ABRAXAS2: variants seen among roughly 807,000 people sequenced by gnomAD.
ABRAXAS2 encodes BRISC complex subunit Abraxas 2.
In ABRAXAS2, 23 loss-of-function variants were observed where a neutral mutation model predicts 49.0. The observed-to-expected ratio is 0.47, with a 90% CI of 0.34 to 0.66. The LOEUF (loss-of-function observed/expected upper bound fraction) is 0.66. Ranked by LOEUF, ABRAXAS2 falls within the 30% of genes least tolerant of loss-of-function variation. The probability of loss-of-function intolerance (pLI) is 0.01; values close to 1 mark genes in which losing one functional copy is unlikely to be tolerated. For synonymous variants in ABRAXAS2, 168 were observed against 180.2 expected, an observed-to-expected ratio of 0.93 and a Z score of 0.54; for missense variants, 443 against 511.9, an observed-to-expected ratio of 0.87 and a Z score of 1.30.
In ABRAXAS2 at chr10:124,836,206, G is replaced by A. The variant is rs1186506314; in HGVS notation, c.*1235G>A. The A allele has an allele frequency of 1.3e-5, 2 of 152,552 alleles. No individual in the cohort carries two copies. Among genetic ancestry groups the A allele is most frequent in the African/African-American group, 4.8e-5 (2 of 41,424 alleles). The allele number at this position is 152,552 out of a possible 1,614,324, so 9.4% of individuals were successfully genotyped here. ...CTTCCCTTTGAACTAGTTAAAATCT[G>A]TAAGAATAAGGAAGTTGTTGAAGGC... On this transcript the variant is annotated 3_prime_UTR_variant, in exon 9 of 9. Transcript: ENST00000298492.
intron 4 of ABRAXAS2, 111 bp from the exon 5 acceptor site, chr10:124,826,484 G>A: frequency 9.7e-7 from 1 of 1,035,914 alleles, no homozygotes; most frequent in Non-Finnish European, 1.4e-6. Context: ...GTTCCAGGGT[G>A]GGGCTTTTGC....
intron 2 of ABRAXAS2, among the ~76,000 whole-genome samples, chr10:124,814,153 G>T (rs1478871705): frequency 1.3e-5 from 2 of 151,902 alleles, no homozygotes; most frequent in East Asian, 3.9e-4. Flanking sequence ...CACCATGCCC[G>T]GCTAATTTTG....
intron 4 of ABRAXAS2, among the ~76,000 whole-genome samples, chr10:124,821,863 A>G (rs1464399756): frequency 2.0e-5 from 3 of 152,188 alleles, no homozygotes; most frequent in South Asian, 4.1e-4. Context: ...ATAATTTTAC[A>G]TGGGTTCAAC....
In ABRAXAS2 at chr10:124,828,777, C is replaced by T. The variant is rs1336903351; in HGVS notation, c.480C>T (p.Leu160=). ...PNRRYNQRIS[L]AIPNLGNTSQ... The stretch of plus-strand genomic sequence containing the variant: ...ATAGGTATAATCAGAGGATATCACT[C>T]GCTATTCCCAATCTAGGAAATACTA... Residue 160 remains leucine (L), a synonymous_variant, in exon 6 of 9, where the codon CTC becomes CTT. Coordinates refer to ENST00000298492, the MANE Select transcript of ABRAXAS2 (RefSeq NM_032182.4). 11 of 1,612,888 alleles carry T rather than the reference C, an allele frequency of 6.8e-6. No homozygotes were observed. Among genetic ancestry groups the T allele is most frequent in the African/African-American group, 4.0e-5 (3 of 74,840 alleles).
chr10:124,813,451 GAAC>G (rs779786256), intron 2 of ABRAXAS2, among the ~76,000 whole-genome samples: 2 of 152,196 alleles, frequency 1.3e-5, no homozygotes, highest in Non-Finnish European at 1.5e-5. Flanking sequence ...AGAGAAGCAA[GAAC>G]AACAGTACCA....
intron 3 of ABRAXAS2, 30 bp downstream of exon 3, chr10:124,816,642 C>G: frequency 6.5e-7 from 1 of 1,526,718 alleles, no homozygotes; most frequent in Non-Finnish European, 9.0e-7. Context: ...TTAGTCCTTA[C>G]TAAAAGGATT....
At chr10:124,831,287 G>A in intron 7 of ABRAXAS2, 62 bp from the exon 8 acceptor site, 1 of 1,012,680 alleles carries the variant, frequency 9.9e-7, no homozygotes, top group Non-Finnish European at 1.6e-6. Flanking sequence ...AATCAGCGCT[G>A]AATTTATGGA....
intron 2 of ABRAXAS2, among the ~76,000 whole-genome samples, chr10:124,814,279 C>T (rs145319655): frequency 0.02 from 3,009 of 151,434 alleles, 57 homozygotes; most frequent in South Asian, 0.079. Context: ...CATGAGCCAC[C>T]ACGCCCGGCC....
chr10:124,835,055 A>G lies in ABRAXAS2; in HGVS notation c.*84A>G, dbSNP rs1950961437. Reference sequence around the variant, plus strand: ...TTTTGAGAACTTAATCTGGGGGGAGAACTGCTTTCTCAGATACCTTAACTC... The same window carrying G: ...TTTTGAGAACTTAATCTGGGGGGAGGACTGCTTTCTCAGATACCTTAACTC... On this transcript the variant is annotated 3_prime_UTR_variant, in exon 9 of 9. Coordinates refer to ENST00000298492, the MANE Select transcript of ABRAXAS2 (RefSeq NM_032182.4). 1.1e-5 allele frequency: 12 copies of G among 1,068,954 alleles called. No individual in the cohort carries two copies. The highest frequency in any genetic ancestry group is 1.5e-5 in the Non-Finnish European group (11 of 745,200). The allele number at this position is 1,068,954 out of a possible 1,614,324, so 66.2% of individuals were successfully genotyped here.
chr10:124,828,658 G>C (rs1950911986), intron 5 of ABRAXAS2, 98 bp from the exon 6 acceptor site: 2 of 1,185,798 alleles, frequency 1.7e-6, no homozygotes, highest in Non-Finnish European at 1.2e-6. Context: ...AGAGGTGTGA[G>C]CCACCACACC....
chr10:124,829,081 T>A (rs1262356472), intron 6 of ABRAXAS2, among the ~76,000 whole-genome samples: 1 of 152,254 alleles, frequency 6.6e-6, no homozygotes, highest in Non-Finnish European at 1.5e-5. Context: ...ATGAATTTTT[T>A]AAATCATTTG....
At chr10:124,813,706 T>G (rs1950805644) in intron 2 of ABRAXAS2, among the ~76,000 whole-genome samples, 1 of 152,198 alleles carries the variant, frequency 6.6e-6, no homozygotes, top group Admixed American at 6.5e-5. Flanking sequence ...GCAAAACATC[T>G]TAGAAAGCTT....
At chr10:124,808,561 TAGA>T in intron 2 of ABRAXAS2, among the ~76,000 whole-genome samples, 1 of 152,088 alleles carries the variant, frequency 6.6e-6, no homozygotes, top group African/African-American at 2.4e-5. Context: ...CCCTGCCTCC[TAGA>T]GCTGCGGGGA....
At chr10:124,817,762 G>A (rs991342649) in intron 3 of ABRAXAS2, among the ~76,000 whole-genome samples, 13 of 152,152 alleles carry the variant, frequency 8.5e-5, no homozygotes, top group East Asian at 3.9e-4. Flanking sequence ...ACATCCACCC[G>A]CACCTATTGA....
chr10:124,829,806 A>G (rs1380090332), intron 7 of ABRAXAS2, among the ~76,000 whole-genome samples: 1 of 152,248 alleles, frequency 6.6e-6, no homozygotes, highest in Non-Finnish European at 1.5e-5. Flanking sequence ...AAGTAGAGAC[A>G]ATATCAAAAG....
Position 124,834,869 on chromosome 10 carries a change from C to T in ABRAXAS2, c.1146C>T (p.Asp382=), listed in dbSNP as rs772054476. The change falls in exon 9 of 9, where the codon GAC becomes GAT. Residue 382 remains aspartate (D), a synonymous_variant. Transcript: ENST00000298492. ...SDDSDYENLI[D]PTEPSNSEYS... ...ACAGTGATTATGAAAATTTGATTGA[C>T]CCTACAGAGCCTTCTAATAGTGAAT... 2 of 1,613,992 alleles carry T rather than the reference C, an allele frequency of 1.2e-6. No homozygotes were observed. The highest frequency in any genetic ancestry group is 2.2e-5 in the East Asian group (1 of 44,906).
chr10:124,834,104 C>T (rs1950952216), intron 8 of ABRAXAS2, among the ~76,000 whole-genome samples: 1 of 152,136 alleles, frequency 6.6e-6, no homozygotes, highest in African/African-American at 2.4e-5. Context: ...ACCTTTGGGT[C>T]CCACAGTGTG....
In ABRAXAS2 at chr10:124,806,858, C is replaced by G; in HGVS notation, c.100C>G (p.Gln34Glu). 1 of 1,609,528 alleles carries G rather than the reference C, an allele frequency of 6.2e-7. No homozygotes were observed. ...AGGATTTTTACTGGGAGAGGTAAGA[C>G]AAGAGGAAACGTTTAGCATCAGTGA... ...HEGFLLGEVR[Q>E]EETFSISDSQ... is the part of the protein sequence containing the mutation. The change falls in exon 2 of 9, where the codon CAA becomes GAA. Residue 34 changes from glutamine to glutamate, a missense_variant. By Grantham distance (29) the Gln-to-Glu change is conservative. This residue lies in a region of ABRAXAS2 where 166 missense variants were observed against 247.3 expected (regional missense o/e 0.67). Coordinates refer to ENST00000298492, the MANE Select transcript of ABRAXAS2 (RefSeq NM_032182.4).
intron 8 of ABRAXAS2, among the ~76,000 whole-genome samples, chr10:124,834,022 G>A (rs781741464): frequency 1.3e-5 from 2 of 152,084 alleles, no homozygotes; most frequent in African/African-American, 4.8e-5. Flanking sequence ...TAAAGAAATC[G>A]GTTTTTTGAT....
Sources: gnomAD v4.1 joint callset for allele counts (sites outside exome capture counted in the v4.1 genomes callset) on GRCh38, gnomAD v4.1.1 for gene constraint, gnomAD v4.1.1 regional missense constraint, MANE v1.5 for transcripts, NCBI Gene and HGNC (gene_info 2026-07-23, HGNC 2026-07-21) for gene names.